FHL2: variants seen among roughly 807,000 people sequenced by gnomAD.
FHL2 encodes the protein four and a half LIM domains protein 2.
Under a neutral mutation model 32.7 loss-of-function variants are expected in FHL2, and 20 were observed. That is an observed-to-expected ratio of 0.61 (90% CI 0.43 to 0.89). The LOEUF is 0.89. Ranked by LOEUF, FHL2 falls within the 40% of genes least tolerant of loss-of-function variation. The probability of loss-of-function intolerance (pLI) is 0.00; values close to 1 mark genes in which losing one functional copy is unlikely to be tolerated. For synonymous variants in FHL2, 123 were observed against 128.1 expected, an observed-to-expected ratio of 0.96 and a Z score of 0.27; for missense variants, 311 against 358.6, an observed-to-expected ratio of 0.87 and a Z score of 1.07.
chr2:105,376,297 G>A (rs1404595849), intron 3 of FHL2: 1 of 152,168 alleles, frequency 6.6e-6, no homozygotes, highest in Non-Finnish European at 1.5e-5. Flanking sequence ...AATCCTGGTC[G>A]GGTCTGTGTT....
intron 1 of FHL2, among the ~76,000 whole-genome samples, chr2:105,412,726 G>T (rs376953939): frequency 5.5e-4 from 84 of 152,344 alleles, no homozygotes; most frequent in African/African-American, 2.0e-3. Context: ...GCAGCGTCAA[G>T]GAAGGATGAG....
chr2:105,379,177 C>T (rs941438454), intron 3 of FHL2, among the ~76,000 whole-genome samples: 1 of 152,230 alleles, frequency 6.6e-6, no homozygotes, highest in African/African-American at 2.4e-5. Flanking sequence ...TTGAACCTCT[C>T]TTGCCAGATT....
At chr2:105,367,441 G>A in intron 5 of FHL2, 129 bp downstream of exon 5, 3 of 895,694 alleles carry the variant, frequency 3.3e-6, no homozygotes, top group Non-Finnish European at 5.2e-6. Context: ...ATGTAAGGCA[G>A]GACAGGCACA....
chr2:105,363,252 C>T (rs747101940), intron 6 of FHL2, 33 bp downstream of exon 6: 10 of 1,606,760 alleles, frequency 6.2e-6, no homozygotes, highest in East Asian at 4.5e-5. Flanking sequence ...AGCTTCCAAT[C>T]GCCCCTGGAA....
chr2:105,437,511 C>T (rs138611378), intron 1 of FHL2, among the ~76,000 whole-genome samples: 1 of 152,122 alleles, frequency 6.6e-6, no homozygotes, highest in African/African-American at 2.4e-5. Context: ...CTATAGTAAA[C>T]TTACATATAG....
At chr2:105,436,235 G>A (rs896233292) in intron 1 of FHL2, among the ~76,000 whole-genome samples, 1 of 152,108 alleles carries the variant, frequency 6.6e-6, no homozygotes, top group African/African-American at 2.4e-5. Context: ...GTGGGGTGTG[G>A]AGGGCATGCA....
At chr2:105,414,823 G>A (rs899059823) in intron 1 of FHL2, among the ~76,000 whole-genome samples, 1 of 152,196 alleles carries the variant, frequency 6.6e-6, no homozygotes, top group East Asian at 1.9e-4. Flanking sequence ...AAAGTGCTAA[G>A]ATTACAAGTG....
At chr2:105,367,774 A>C in intron 4 of FHL2, 35 bp from the exon 5 acceptor site, 1 of 1,600,766 alleles carries the variant, frequency 6.2e-7, no homozygotes, top group Non-Finnish European at 8.5e-7. Context: ...CAGCAGAGTT[A>C]TGGTTAGAGG....
intron 3 of FHL2, chr2:105,378,028 G>A (rs1681600945): frequency 2.1e-6 from 1 of 469,362 alleles, no homozygotes; most frequent in Admixed American, 2.4e-5. Flanking sequence ...AATCTCCAAG[G>A]TCAACAGGAA....
At chr2:105,404,756 C>A (rs934288550) in intron 1 of FHL2, among the ~76,000 whole-genome samples, 27 of 152,208 alleles carry the variant, frequency 1.8e-4, no homozygotes, top group African/African-American at 6.5e-4. Context: ...TTCTGCCATG[C>A]TCTGGTTAGG....
intron 2 of FHL2, among the ~76,000 whole-genome samples, chr2:105,388,200 A>G (rs1022139810): frequency 1.3e-5 from 2 of 152,134 alleles, no homozygotes; most frequent in Non-Finnish European, 2.9e-5. Flanking sequence ...ATGTACAACA[A>G]ACCCCTGTGA....
chr2:105,394,195 T>C (rs1052380207), intron 2 of FHL2, among the ~76,000 whole-genome samples: 1 of 152,168 alleles, frequency 6.6e-6, no homozygotes, highest in Non-Finnish European at 1.5e-5. Flanking sequence ...TTTGTCTAGC[T>C]AAACGGGTTG....
chr2:105,428,704 C>T (rs913886549), intron 1 of FHL2, among the ~76,000 whole-genome samples: 1 of 152,186 alleles, frequency 6.6e-6, no homozygotes, highest in African/African-American at 2.4e-5. Context: ...CCACGCTCTC[C>T]CTGGTCACCT....
intron 1 of FHL2, among the ~76,000 whole-genome samples, chr2:105,426,246 G>A (rs1684266332): frequency 6.6e-6 from 1 of 152,148 alleles, no homozygotes; most frequent in Non-Finnish European, 1.5e-5. Flanking sequence ...GAACTTTCCA[G>A]CTTTCTAAAA....
At chr2:105,420,838 G>A (rs1684079924) in intron 1 of FHL2, among the ~76,000 whole-genome samples, 1 of 152,166 alleles carries the variant, frequency 6.6e-6, no homozygotes, top group Non-Finnish European at 1.5e-5. Flanking sequence ...CGCCTCCACT[G>A]ATCTGACAGG....
chr2:105,406,923 G>A (rs1335071352), intron 1 of FHL2, among the ~76,000 whole-genome samples: 1 of 152,166 alleles, frequency 6.6e-6, no homozygotes, highest in African/African-American at 2.4e-5. Flanking sequence ...AACTAGGAAA[G>A]CTGCATGGAT....
intron 6 of FHL2, chr2:105,362,940 C>A (rs1680381548): frequency 3.8e-6 from 1 of 263,122 alleles, no homozygotes. Flanking sequence ...TCTAAGAACA[C>A]AGCACAGCTG....
chr2:105,384,841 G>T (rs1337463754), intron 3 of FHL2, among the ~76,000 whole-genome samples: 1 of 152,214 alleles, frequency 6.6e-6, no homozygotes, highest in Non-Finnish European at 1.5e-5. Flanking sequence ...GTGGAGATGT[G>T]CACGGAAGGG....
chr2:105,422,518 T>A (rs1256116152), intron 1 of FHL2, among the ~76,000 whole-genome samples: 7 of 152,114 alleles, frequency 4.6e-5, no homozygotes, highest in African/African-American at 1.7e-4. Context: ...TATAGGATTA[T>A]AGCTCTAGAT....
Sources: gnomAD v4.1 joint callset for allele counts (sites outside exome capture counted in the v4.1 genomes callset) on GRCh38, gnomAD v4.1.1 for gene constraint, MANE v1.5 for transcripts, NCBI Gene and HGNC (gene_info 2026-07-23, HGNC 2026-07-21) for gene names.